The following THSD7A variants were observed in gnomAD, a reference collection of about 807,000 sequenced individuals.
THSD7A encodes the protein thrombospondin type 1 domain containing 7A, also known as thrombospondin type-1 domain-containing protein 7A.
THSD7A carries 96 observed loss-of-function variants against 231.3 expected under a neutral mutation model. That is an observed-to-expected ratio of 0.41 (90% CI 0.35 to 0.49). The LOEUF (loss-of-function observed/expected upper bound fraction) is 0.49, where lower values mean the gene tolerates loss of function less well. THSD7A is among the 20% of genes least tolerant of loss of function. The pLI is 0.05. For missense variants in THSD7A, 2,290 were observed against 2,070.2 expected (o/e 1.11, Z -2.06); for synonymous variants, 940 against 743.3 (o/e 1.26, Z -4.30).
intron 6 of THSD7A, among the ~76,000 whole-genome samples, chr7:11,516,331 T>C (rs1387612175): frequency 6.6e-6 from 1 of 152,184 alleles, no homozygotes; most frequent in African/African-American, 2.4e-5. Context: ...ACAAGATAAG[T>C]ATGGTTATTG....
At chr7:11,428,090 T>G (rs1156386964) in intron 14 of THSD7A, among the ~76,000 whole-genome samples, 2 of 152,176 alleles carry the variant, frequency 1.3e-5, no homozygotes, top group East Asian at 3.8e-4. Context: ...TGTATACAGG[T>G]AAGCAGTGTG....
intron 1 of THSD7A, among the ~76,000 whole-genome samples, chr7:11,777,551 A>G (rs1444160486): frequency 2.0e-5 from 3 of 152,112 alleles, no homozygotes; most frequent in African/African-American, 7.2e-5. Flanking sequence ...ATGTGGACAT[A>G]TCATCTCCCT....
At chr7:11,475,699 T>C (rs927526245) in intron 7 of THSD7A, among the ~76,000 whole-genome samples, 1 of 150,098 alleles carries the variant, frequency 6.7e-6, no homozygotes, top group Non-Finnish European at 1.5e-5. Context: ...ACTACCTGGT[T>C]ACTATAATTA....
chr7:11,723,763 A>C (rs1781445005), intron 1 of THSD7A, among the ~76,000 whole-genome samples: 1 of 151,938 alleles, frequency 6.6e-6, no homozygotes, highest in African/African-American at 2.4e-5. Context: ...AAACAACCGT[A>C]AGTATTGTGT....
intron 9 of THSD7A, among the ~76,000 whole-genome samples, chr7:11,468,252 A>C (rs1206226289): frequency 6.6e-6 from 1 of 152,136 alleles, no homozygotes; most frequent in Non-Finnish European, 1.5e-5. Flanking sequence ...AAGTGTATTA[A>C]TTCTATGTAA....
chr7:11,831,896 C>T lies in THSD7A; in HGVS notation c.51G>A (p.Gly17=). 2 of 1,240,034 alleles carry T rather than the reference C, an allele frequency of 1.6e-6. No individual in the cohort carries two copies. Among genetic ancestry groups the T allele is most frequent in the Non-Finnish European group, 1.0e-6 (1 of 995,712 alleles). The allele number at this position is 1,240,034 out of a possible 1,614,324, so 76.8% of individuals were successfully genotyped here. Residue 17 remains glycine, a synonymous_variant, in exon 1 of 28, where the codon GGG becomes GGA. Coordinates refer to ENST00000423059, the MANE Select transcript of THSD7A (RefSeq NM_015204.3). This position sits in a 1 kb window ranked among gnomAD's most constrained non-coding sequence, Gnocchi z 5.0. ...GCAGCTGCAGGACGCCCCGGCGCGG[C>T]CCCGCAGCGCCCCGGCTCCCGGACG... ...RWASGSRGAA[G]PRRGVLQLLP...
rs1782422675 is a variant in THSD7A, at chr7:11,379,482, G to T, written c.4590+148C>A. On this transcript the variant is annotated intron_variant, in intron 25 of 27. Coordinates refer to ENST00000423059, the MANE Select transcript of THSD7A (RefSeq NM_015204.3). ...TAAAGGTGAAAGCAAGTGAAGTCAG[G>T]ACTTTTTAGATTGATAAAAGGAGAT... 4.5e-6 allele frequency: 4 copies of T among 881,708 alleles called. No individual in the cohort carries two copies. In the African/African-American group the frequency reaches 5.1e-5, roughly 11 times the overall value. 54.6% of individuals were successfully genotyped at this position (881,708 alleles called of 1,614,324 possible). A position where few individuals can be genotyped will look rare whatever the true frequency, so the allele number is the denominator to read the frequency against.
intron 1 of THSD7A, among the ~76,000 whole-genome samples, chr7:11,704,419 A>G (rs978839719): frequency 6.0e-5 from 9 of 151,064 alleles, no homozygotes; most frequent in Middle Eastern, 6.8e-3. Flanking sequence ...AATTTAAGTG[A>G]CATAACCCTA....
chr7:11,700,419 AT>A (rs1490070401), intron 1 of THSD7A, among the ~76,000 whole-genome samples: 1 of 151,272 alleles, frequency 6.6e-6, no homozygotes, highest in African/African-American at 2.4e-5. Context: ...CCTCCTAAAA[AT>A]ATCCACTTAA....
chr7:11,649,876 G>A (rs544862205), intron 1 of THSD7A, among the ~76,000 whole-genome samples: 18 of 151,646 alleles, frequency 1.2e-4, no homozygotes, highest in African/African-American at 4.4e-4. Flanking sequence ...AATCCAACTA[G>A]TATAATATAT....
chr7:11,583,141 C>A (rs1791239970), intron 4 of THSD7A, among the ~76,000 whole-genome samples: 2 of 151,882 alleles, frequency 1.3e-5, no homozygotes, highest in African/African-American at 2.4e-5. Context: ...TTATTTATTT[C>A]CAGTGAATGT....
intron 1 of THSD7A, among the ~76,000 whole-genome samples, chr7:11,674,365 A>G (rs1289136689): frequency 6.6e-6 from 1 of 152,036 alleles, no homozygotes; most frequent in Non-Finnish European, 1.5e-5. Flanking sequence ...CAGACACTCC[A>G]CCCTGGCTGA....
At position 11,806,350 on chromosome 7, in the gene THSD7A, T is replaced by C. The variant is rs147497824; in HGVS notation, c.190+25407A>G. Among the ~76,000 whole-genome samples the C allele has an allele frequency of 3.3e-3, 510 of 152,282 alleles. 3 individuals are homozygous for C. The highest frequency in any genetic ancestry group is 6.0e-3 in the Non-Finnish European group (409 of 68,010). On this transcript the variant is annotated intron_variant, in intron 1 of 27. Transcript: ENST00000423059. ...ATTTAAATAAAGATAACTCCCTAAA[T>C]TGATTTCAATGTACAAAATAAAGAA...
intron 7 of THSD7A, among the ~76,000 whole-genome samples, chr7:11,478,184 C>T (rs1786273963): frequency 6.6e-6 from 1 of 152,200 alleles, no homozygotes. Flanking sequence ...CATTACTCTG[C>T]TCATGATCTG....
chr7:11,522,084 G>A (rs1231204299), intron 6 of THSD7A, among the ~76,000 whole-genome samples: 1 of 152,106 alleles, frequency 6.6e-6, no homozygotes, highest in African/African-American at 2.4e-5. Flanking sequence ...AGTAGAATTA[G>A]GACCTGATAA....
chr7:11,701,514 T>A (rs1012620616), intron 1 of THSD7A, among the ~76,000 whole-genome samples: 1 of 151,166 alleles, frequency 6.6e-6, no homozygotes, highest in Admixed American at 6.6e-5. Flanking sequence ...ATATTTAAAA[T>A]TCTGAGATCT....
chr7:11,559,143 C>G (rs919239874), intron 4 of THSD7A, among the ~76,000 whole-genome samples: 3 of 152,072 alleles, frequency 2.0e-5, no homozygotes, highest in African/African-American at 7.2e-5. Context: ...TCTTTGAACT[C>G]GAAGGAACTG....
chr7:11,479,751 AC>A (rs1786343881), intron 7 of THSD7A, among the ~76,000 whole-genome samples: 1 of 152,226 alleles, frequency 6.6e-6, no homozygotes, highest in Non-Finnish European at 1.5e-5. Flanking sequence ...ACTAATAGGT[AC>A]TAAATAGGCT....
chr7:11,754,002 C>T (rs181020936), intron 1 of THSD7A, among the ~76,000 whole-genome samples: 24 of 151,968 alleles, frequency 1.6e-4, no homozygotes, highest in Admixed American at 1.2e-3. Flanking sequence ...AGAACGGCCA[C>T]TTTATATTAA....
Sources: gnomAD v4.1 joint callset for allele counts (sites outside exome capture counted in the v4.1 genomes callset) on GRCh38, gnomAD v4.1.1 for gene constraint, Gnocchi (gnomAD v3.1) non-coding constraint, MANE v1.5 for transcripts, NCBI Gene and HGNC (gene_info 2026-07-23, HGNC 2026-07-21) for gene names.